Variants in VSNL1 observed in about 807,000 individuals in gnomAD.
VSNL1 encodes visinin like 1.
A neutral mutation model predicts 20.4 loss-of-function variants in VSNL1; 6 were observed. The ratio of observed to expected loss-of-function variants is 0.29; its 90% confidence interval spans 0.16 to 0.58. The LOEUF (loss-of-function observed/expected upper bound fraction) is 0.58, where lower values mean the gene tolerates loss of function less well. Among genes scored for constraint, VSNL1 ranks in the 20% least tolerant of loss-of-function variants. The pLI, the probability that VSNL1 is intolerant of heterozygous loss-of-function variation, is 0.90. For synonymous variants in VSNL1, 93 were observed against 86.4 expected (o/e 1.08, Z -0.42); for missense variants, 100 against 234.5 (o/e 0.43, Z 3.75).
intron 1 of VSNL1, among the ~76,000 whole-genome samples, chr2:17,545,732 A>G (rs779630273): frequency 6.6e-6 from 1 of 152,268 alleles, no homozygotes; most frequent in Middle Eastern, 3.4e-3. Flanking sequence ...AAACTATTTA[A>G]TGAATGAAAC....
intron 1 of VSNL1, among the ~76,000 whole-genome samples, chr2:17,568,963 A>G (rs541654258): frequency 6.6e-6 from 1 of 152,064 alleles, no homozygotes; most frequent in Non-Finnish European, 1.5e-5. Context: ...GTTAACCAAA[A>G]TTTTCTTTCT....
intron 1 of VSNL1, chr2:17,567,737 A>C (rs1166244084): frequency 6.6e-6 from 1 of 152,108 alleles, no homozygotes; most frequent in African/African-American, 2.4e-5. Context: ...TATTCGTTCT[A>C]GTCTTAATTT....
At chr2:17,549,347 G>A (rs1222220208) in intron 1 of VSNL1, among the ~76,000 whole-genome samples, 1 of 152,182 alleles carries the variant, frequency 6.6e-6, no homozygotes, top group Non-Finnish European at 1.5e-5. Flanking sequence ...GGTACTCAAG[G>A]TAGGGCTGAG....
At chr2:17,556,531 A>G (rs1308088401) in intron 1 of VSNL1, among the ~76,000 whole-genome samples, 1 of 152,192 alleles carries the variant, frequency 6.6e-6, no homozygotes, top group Non-Finnish European at 1.5e-5. Flanking sequence ...TGTTAAGTCT[A>G]TTTCACATAG....
intron 1 of VSNL1, among the ~76,000 whole-genome samples, chr2:17,578,239 G>C (rs1347532642): frequency 6.6e-6 from 1 of 152,104 alleles, no homozygotes; most frequent in East Asian, 1.9e-4. Context: ...TGTCTAATGA[G>C]AAGGCCCGGG....
intron 1 of VSNL1, among the ~76,000 whole-genome samples, chr2:17,557,654 C>T (rs116229558): frequency 0.024 from 3,662 of 152,226 alleles, 44 homozygotes; most frequent in Middle Eastern, 0.055. Context: ...ACAAAGGAGG[C>T]TTATTACTGC....
chr2:17,602,635 G>A (rs1248451020), intron 2 of VSNL1, among the ~76,000 whole-genome samples: 1 of 152,122 alleles, frequency 6.6e-6, no homozygotes, highest in East Asian at 1.9e-4. Flanking sequence ...AGCTACTGGG[G>A]AGGCTGAGGC....
chr2:17,579,134 G>A (rs895578465), intron 1 of VSNL1, among the ~76,000 whole-genome samples: 1 of 134,364 alleles, frequency 7.4e-6, no homozygotes, highest in African/African-American at 2.8e-5. Context: ...TTTTTTTTTT[G>A]AGACGGAGTC....
chr2:17,648,543 G>A (rs554856248), intron 2 of VSNL1, among the ~76,000 whole-genome samples: 168 of 152,332 alleles, frequency 1.1e-3, no homozygotes, highest in Non-Finnish European at 1.9e-3. Context: ...AAATACATAC[G>A]TAACTTCTCT....
At chr2:17,578,634 G>T (rs117953776) in intron 1 of VSNL1, among the ~76,000 whole-genome samples, 101 of 152,326 alleles carry the variant, frequency 6.6e-4, no homozygotes, top group Middle Eastern at 6.8e-3. Flanking sequence ...GAAGGCCCAC[G>T]GCTGGGAGGG....
At position 17,563,581 on chromosome 2, in the gene VSNL1, T is replaced by G. The variant is rs147274596; in HGVS notation, c.-6+22663T>G. On this transcript the variant is annotated intron_variant, in intron 1 of 3. Transcript: ENST00000295156. Reference sequence around the variant, plus strand: ...TCCTTTTGAAAAAAAAAATACAGTTTTAGCTGGGCGTGGTGGCACGCACCT... The same window carrying G: ...TCCTTTTGAAAAAAAAAATACAGTTGTAGCTGGGCGTGGTGGCACGCACCT... Among the ~76,000 whole-genome samples the G allele has an allele frequency of 6.3e-3, 964 of 152,234 alleles. 5 individuals carry two copies. The highest frequency in any genetic ancestry group is 0.01 in the Admixed American group (158 of 15,302).
chr2:17,633,227 T>C (rs1050537847), intron 2 of VSNL1, among the ~76,000 whole-genome samples: 3 of 151,326 alleles, frequency 2.0e-5, no homozygotes, highest in Non-Finnish European at 4.4e-5. Context: ...GAGAACAGTG[T>C]GGGAATGACC....
At chr2:17,540,069 T>A (rs182243811), upstream of VSNL1, 2 of 152,306 alleles carry the variant, frequency 1.3e-5, no homozygotes, top group Non-Finnish European at 2.9e-5. Flanking sequence ...GGACCGAGAC[T>A]GTCCGGGGCA....
intron 1 of VSNL1, among the ~76,000 whole-genome samples, chr2:17,560,197 C>T (rs1036801019): frequency 1.6e-4 from 24 of 148,064 alleles, no homozygotes; most frequent in Admixed American, 1.6e-3. Flanking sequence ...AGGAAAACAT[C>T]ATATATATAT....
chr2:17,585,240 C>T (rs1437093292), intron 1 of VSNL1, among the ~76,000 whole-genome samples: 2 of 152,016 alleles, frequency 1.3e-5, no homozygotes, highest in Non-Finnish European at 2.9e-5. Context: ...TGTCCCCAGA[C>T]ACATCATGAA....
chr2:17,572,659 G>A (rs746047420), intron 1 of VSNL1, among the ~76,000 whole-genome samples: 19 of 152,166 alleles, frequency 1.2e-4, no homozygotes, highest in Non-Finnish European at 2.5e-4. Context: ...AGTCATACAG[G>A]TAGTGAGAAT....
At chr2:17,642,458 G>A (rs1042555829) in intron 2 of VSNL1, among the ~76,000 whole-genome samples, 1 of 151,726 alleles carries the variant, frequency 6.6e-6, no homozygotes, top group Non-Finnish European at 1.5e-5. Context: ...ACAGGTACCC[G>A]CCACCATGCC....
At chr2:17,642,309 CTTTTTT>C (rs577471307) in intron 2 of VSNL1, among the ~76,000 whole-genome samples, 2 of 93,192 alleles carry the variant, frequency 2.1e-5, no homozygotes, top group Non-Finnish European at 4.5e-5. Context: ...GTGAGCATTC[CTTTTTT>C]TTTTTTTTTT....
intron 1 of VSNL1, among the ~76,000 whole-genome samples, chr2:17,581,115 C>T (rs1414034880): frequency 6.6e-6 from 1 of 152,178 alleles, no homozygotes; most frequent in Admixed American, 6.5e-5. Flanking sequence ...AATATTATCT[C>T]TCCTTTTTTC....
Sources: allele counts gnomAD v4.1 joint callset (sites outside exome capture counted in the v4.1 genomes callset), GRCh38; gene constraint gnomAD v4.1.1; transcripts MANE v1.5; gene names NCBI Gene and HGNC (gene_info 2026-07-23, HGNC 2026-07-21).